Variants in RAP1GAP2 observed in about 807,000 individuals in gnomAD.
The protein encoded by RAP1GAP2 is rap1 GTPase-activating protein 2.
A neutral mutation model predicts 95.0 loss-of-function variants in RAP1GAP2; 27 were observed. That is an observed-to-expected ratio of 0.28 (90% CI 0.21 to 0.39). The LOEUF (loss-of-function observed/expected upper bound fraction) is 0.39, where lower values mean the gene tolerates loss of function less well. Ranked by LOEUF, RAP1GAP2 falls within the 10% of genes least tolerant of loss-of-function variation. RAP1GAP2 has a pLI of 1.00. For missense variants in RAP1GAP2, 771 were observed against 970.0 expected (o/e 0.79, Z 2.72); for synonymous variants, 373 against 380.9 (o/e 0.98, Z 0.24).
chr17:2,796,689 C>A lies in RAP1GAP2; in HGVS notation c.44+118C>A. 1.7e-6 allele frequency: 2 copies of A among 1,170,710 alleles called. No homozygotes were observed. The highest frequency in any genetic ancestry group is 2.5e-6 in the Non-Finnish European group (2 of 803,360). 72.5% of individuals were successfully genotyped at this position (1,170,710 alleles called of 1,614,324 possible). On this transcript the variant is annotated intron_variant, in intron 1 of 24. Coordinates refer to ENST00000254695, the MANE Select transcript of RAP1GAP2 (RefSeq NM_015085.5). This position sits in a 1 kb window ranked among gnomAD's most constrained non-coding sequence, Gnocchi z 4.7. ...CTCGGGCTGTGCCTGAGAGCTGGGT[C>A]TGCTGACGCCCTGGCAGGTCGAGAT...
At chr17:2,898,450 C>T (rs2041913476) in intron 2 of RAP1GAP2, among the ~76,000 whole-genome samples, 1 of 152,218 alleles carries the variant, frequency 6.6e-6, no homozygotes, top group Admixed American at 6.5e-5. Context: ...TGGGCTCATG[C>T]CCTTTCTCCC....
intron 2 of RAP1GAP2, among the ~76,000 whole-genome samples, chr17:2,839,949 C>G (rs1219949503): frequency 1.3e-5 from 2 of 151,636 alleles, no homozygotes; most frequent in Non-Finnish European, 2.9e-5. Context: ...CAGGCATGCG[C>G]CACCACGCCC....
Position 2,867,875 on chromosome 17 carries a change from G to A in RAP1GAP2, c.81-37409G>A, listed in dbSNP as rs1567724095. Among the ~76,000 whole-genome samples, 1 of 152,186 alleles carries A rather than the reference G, an allele frequency of 6.6e-6. No homozygotes were observed. Among genetic ancestry groups the A allele is most frequent in the Non-Finnish European group, 1.5e-5 (1 of 68,040 alleles). On this transcript the variant is annotated intron_variant, in intron 2 of 24. Coordinates refer to ENST00000254695, the MANE Select transcript of RAP1GAP2 (RefSeq NM_015085.5). This position sits in a 1 kb window ranked among gnomAD's most constrained non-coding sequence, Gnocchi z 4.5. ...CTGGTACCCTCCCAGACGCAAGGAG[G>A]CTTCCTTCTGCCTTGGCTGGATGAG...
At chr17:2,848,866 A>G (rs2071701039) in intron 2 of RAP1GAP2, among the ~76,000 whole-genome samples, 1 of 152,000 alleles carries the variant, frequency 6.6e-6, no homozygotes, top group African/African-American at 2.4e-5. Context: ...GATGACTTCA[A>G]TCTTTCCCTT....
intron 17 of RAP1GAP2, among the ~76,000 whole-genome samples, chr17:3,009,860 A>G (rs1350594127): frequency 6.6e-6 from 1 of 152,114 alleles, no homozygotes; most frequent in Non-Finnish European, 1.5e-5. Flanking sequence ...CAGACAACCC[A>G]GCGAGAGAAT....
rs943913158 is a variant in RAP1GAP2, at chr17:2,906,616, G to A, written c.165+1248G>A. On this transcript the variant is annotated intron_variant, in intron 3 of 24. Coordinates refer to ENST00000254695, the MANE Select transcript of RAP1GAP2 (RefSeq NM_015085.5). The surrounding 1 kb of genome is among the most constrained non-coding windows in gnomAD (Gnocchi z 4.3). ...AGCTCAGTGTTGGTATCTGAGCCGG[G>A]TGCTGGGCCAGCTCTTTGCACAGGG... Among the ~76,000 whole-genome samples the A allele has an allele frequency of 2.6e-5, 4 of 151,988 alleles. No individual in the cohort carries two copies. The highest frequency in any genetic ancestry group is 5.9e-5 in the Non-Finnish European group (4 of 67,974).
At chr17:2,761,291 T>C (rs1178878117) in intron 1 of RAP1GAP2, among the ~76,000 whole-genome samples, 1 of 136,622 alleles carries the variant, frequency 7.3e-6, no homozygotes, top group African/African-American at 2.7e-5. Flanking sequence ...TCTTTTTTCT[T>C]TTTTTTTTTT....
At chr17:2,760,026 T>C (rs2071213429) in intron 1 of RAP1GAP2, among the ~76,000 whole-genome samples, 1 of 152,152 alleles carries the variant, frequency 6.6e-6, no homozygotes, top group Admixed American at 6.6e-5. Flanking sequence ...TTCACAATTT[T>C]GCTCATGCTG....
chr17:2,841,467 C>A (rs1290427420), intron 2 of RAP1GAP2, among the ~76,000 whole-genome samples: 2 of 151,778 alleles, frequency 1.3e-5, no homozygotes, highest in East Asian at 4.0e-4. Flanking sequence ...CCACACGCGG[C>A]TAATTTTTTT....
chr17:2,798,968 A>T (rs1047922156), intron 1 of RAP1GAP2, among the ~76,000 whole-genome samples: 2 of 152,154 alleles, frequency 1.3e-5, no homozygotes, highest in African/African-American at 4.8e-5. Context: ...ACCATTGAGG[A>T]ACTCTAATGG....
At chr17:2,942,687 A>G (rs958576278) in intron 3 of RAP1GAP2, among the ~76,000 whole-genome samples, 17 of 152,328 alleles carry the variant, frequency 1.1e-4, no homozygotes, top group Admixed American at 1.1e-3. Context: ...CATAAAATTA[A>G]TGATCTTAAA....
chr17:3,021,754 G>A (rs1392001308), intron 19 of RAP1GAP2, among the ~76,000 whole-genome samples: 3 of 152,210 alleles, frequency 2.0e-5, no homozygotes, highest in Non-Finnish European at 2.9e-5. Flanking sequence ...GTCTTTTCAT[G>A]TCTGGCTTTC....
chr17:2,845,246 G>C (rs371262276), intron 2 of RAP1GAP2, among the ~76,000 whole-genome samples: 41 of 152,248 alleles, frequency 2.7e-4, no homozygotes, highest in African/African-American at 9.6e-4. Context: ...GGGTTCAAGT[G>C]ATTCTCCTGC....
chr17:2,833,733 C>T (rs1339964575), intron 2 of RAP1GAP2, among the ~76,000 whole-genome samples: 1 of 150,808 alleles, frequency 6.6e-6, no homozygotes, highest in East Asian at 1.9e-4. Context: ...CAGTGGACAT[C>T]CTCATAGTTG....
chr17:2,949,024 A>G (rs942477613), intron 3 of RAP1GAP2, among the ~76,000 whole-genome samples: 2 of 152,208 alleles, frequency 1.3e-5, no homozygotes, highest in Non-Finnish European at 2.9e-5. Context: ...CTCCTCCAGC[A>G]TCCTCCTCCC....
intron 3 of RAP1GAP2, among the ~76,000 whole-genome samples, chr17:2,928,654 A>G (rs1420113862): frequency 6.6e-6 from 1 of 152,118 alleles, no homozygotes; most frequent in Non-Finnish European, 1.5e-5. Flanking sequence ...ACAGGCACAC[A>G]TGTTTAAAAT....
In RAP1GAP2 at chr17:2,975,687, G is replaced by A. The variant is rs543964728; in HGVS notation, c.597-4600G>A. 6.6e-5 allele frequency among the ~76,000 whole-genome samples: 10 copies of A among 152,366 alleles called. No individual in the cohort carries two copies. The South Asian group carries it at 2.1e-3, about 32-fold the overall frequency. On this transcript the variant is annotated intron_variant, in intron 8 of 24. Coordinates refer to ENST00000254695, the MANE Select transcript of RAP1GAP2 (RefSeq NM_015085.5). ...TTTTCCTCTTGGACAGAGCTGCCCT[G>A]AGGGTGGTCTCCTGTGCAGTTAAGT...
chr17:2,777,995 AGGCTG>A (rs2068545547), intron 1 of RAP1GAP2, among the ~76,000 whole-genome samples: 2 of 100,750 alleles, frequency 2.0e-5, no homozygotes, highest in African/African-American at 9.8e-5. Flanking sequence ...GGAGGCGGGG[AGGCTG>A]GGAGGCTGGG....
intron 3 of RAP1GAP2, among the ~76,000 whole-genome samples, chr17:2,943,383 G>A (rs542833511): frequency 1.8e-4 from 27 of 152,250 alleles, no homozygotes; most frequent in African/African-American, 5.8e-4. Flanking sequence ...TTTAAGAAGT[G>A]CACTATAGGG....
Sources: allele counts gnomAD v4.1 joint callset (sites outside exome capture counted in the v4.1 genomes callset), GRCh38; gene constraint gnomAD v4.1.1; non-coding constraint Gnocchi (gnomAD v3.1); transcripts MANE v1.5; gene names NCBI Gene and HGNC (gene_info 2026-07-23, HGNC 2026-07-21).